Variants in PTPRM observed in about 807,000 individuals in gnomAD.
PTPRM encodes protein tyrosine phosphatase receptor type M, also known as receptor-type tyrosine-protein phosphatase mu.
A neutral mutation model predicts 186.7 loss-of-function variants in PTPRM; 47 were observed. The observed-to-expected ratio is 0.25, with a 90% confidence interval of 0.20 to 0.32. The LOEUF (loss-of-function observed/expected upper bound fraction) is 0.32, where lower values mean the gene tolerates loss of function less well. PTPRM is among the 10% of genes least tolerant of loss of function. PTPRM has a pLI of 1.00. For missense variants in PTPRM, 1,494 were observed against 1,865.0 expected, an observed-to-expected ratio of 0.80 and a Z score of 3.66; for synonymous variants, 668 against 674.9, an observed-to-expected ratio of 0.99 and a Z score of 0.16.
chr18:8,389,702 C>CT (rs886976654), intron 31 of PTPRM, among the ~76,000 whole-genome samples: 51 of 152,084 alleles, frequency 3.4e-4, no homozygotes, highest in African/African-American at 1.1e-3. Context: ...AAATCTAAGG[C>CT]TTTTTTTAGC....
At chr18:8,397,110 G>C (rs1431125369) in intron 32 of PTPRM, among the ~76,000 whole-genome samples, 2 of 152,238 alleles carry the variant, frequency 1.3e-5, no homozygotes, top group Non-Finnish European at 2.9e-5. Context: ...GTCTTCAGAG[G>C]ATGACGAGCA....
chr18:7,958,291 T>C (rs2147145763), intron 7 of PTPRM, among the ~76,000 whole-genome samples: 1 of 152,176 alleles, frequency 6.6e-6, no homozygotes, highest in South Asian at 2.1e-4. Context: ...GTGATAGCCT[T>C]ACTCTACCAG....
intron 2 of PTPRM, among the ~76,000 whole-genome samples, chr18:7,821,681 G>A (rs898595298): frequency 1.3e-5 from 2 of 152,138 alleles, no homozygotes; most frequent in African/African-American, 4.8e-5. Flanking sequence ...CACTAGTCTT[G>A]TGCTTTGGGG....
At chr18:8,051,304 A>G (rs1228703197) in intron 7 of PTPRM, among the ~76,000 whole-genome samples, 1 of 152,210 alleles carries the variant, frequency 6.6e-6, no homozygotes, top group African/African-American at 2.4e-5. Context: ...TTCTGAAGTT[A>G]TGTAATATTT....
At chr18:8,304,821 A>ATTTAT (rs2095202292) in intron 20 of PTPRM, among the ~76,000 whole-genome samples, 1 of 131,294 alleles carries the variant, frequency 7.6e-6, no homozygotes, top group African/African-American at 2.7e-5. Flanking sequence ...TGTTGACTTT[A>ATTTAT]TTTTTTTTTT....
intron 20 of PTPRM, among the ~76,000 whole-genome samples, chr18:8,313,915 T>G (rs1242938074): frequency 6.6e-6 from 1 of 151,954 alleles, no homozygotes; most frequent in Admixed American, 6.6e-5. Flanking sequence ...ATTTGGGAGG[T>G]TGAGGCAGGA....
intron 5 of PTPRM, among the ~76,000 whole-genome samples, chr18:7,927,693 T>G (rs2051257743): frequency 6.6e-6 from 1 of 152,184 alleles, no homozygotes; most frequent in South Asian, 2.1e-4. Flanking sequence ...TGACACTCTG[T>G]AATTTTTAAA....
chr18:7,850,278 C>G (rs796747971), intron 2 of PTPRM, among the ~76,000 whole-genome samples: 3 of 152,298 alleles, frequency 2.0e-5, no homozygotes, highest in South Asian at 2.1e-4. Context: ...TTTTAAATAA[C>G]AGTCTAGTAA....
intron 1 of PTPRM, among the ~76,000 whole-genome samples, chr18:7,585,239 A>C (rs1488790859): frequency 6.6e-6 from 1 of 152,168 alleles, no homozygotes; most frequent in Non-Finnish European, 1.5e-5. Context: ...ATAAACTTTT[A>C]CATAGTCTTT....
At chr18:7,596,046 G>A (rs1430122747) in intron 1 of PTPRM, among the ~76,000 whole-genome samples, 1 of 152,200 alleles carries the variant, frequency 6.6e-6, no homozygotes, top group African/African-American at 2.4e-5. Flanking sequence ...GTGTATGGTA[G>A]TACCCCCTTA....
intron 2 of PTPRM, among the ~76,000 whole-genome samples, chr18:7,788,063 C>T (rs2043172807): frequency 6.6e-6 from 1 of 152,186 alleles, no homozygotes; most frequent in Non-Finnish European, 1.5e-5. Context: ...AACGACTGAC[C>T]TAGGCCATGC....
intron 2 of PTPRM, among the ~76,000 whole-genome samples, chr18:7,829,507 T>C (rs2045655019): frequency 6.6e-6 from 1 of 152,208 alleles, no homozygotes; most frequent in Non-Finnish European, 1.5e-5. Flanking sequence ...TTTCAAAAAT[T>C]ATATATGTAA....
chr18:7,738,467 G>T (rs568745066), intron 1 of PTPRM, among the ~76,000 whole-genome samples: 107 of 151,730 alleles, frequency 7.1e-4, no homozygotes, highest in Admixed American at 2.6e-3. Context: ...ACGGAGTCTC[G>T]CTCTGTTGCC....
At chr18:7,633,729 G>A (rs1412533314) in intron 1 of PTPRM, among the ~76,000 whole-genome samples, 1 of 152,104 alleles carries the variant, frequency 6.6e-6, no homozygotes, top group South Asian at 2.1e-4. Context: ...CGCAGGAAAG[G>A]ACAGCATCTT....
intron 7 of PTPRM, chr18:8,017,812 G>A (rs1220273523): frequency 6.6e-6 from 1 of 152,028 alleles, no homozygotes; most frequent in Non-Finnish European, 1.5e-5. Context: ...TAGCTCAAAG[G>A]TCTCTGCACT....
chr18:8,022,542 C>G (rs1456503119), intron 7 of PTPRM, among the ~76,000 whole-genome samples: 1 of 152,200 alleles, frequency 6.6e-6, no homozygotes, highest in Non-Finnish European at 1.5e-5. Flanking sequence ...CTGAAGATCA[C>G]TCAGACACAG....
At position 7,966,119 on chromosome 18, in the gene PTPRM, A is replaced by G. The variant is rs150113888; in HGVS notation, c.1132+10705A>G. Among the ~76,000 whole-genome samples, 543 of 152,344 alleles carry G rather than the reference A, an allele frequency of 3.6e-3. 1 individual carries two copies. Among genetic ancestry groups the G allele is most frequent in the African/African-American group, 0.012 (508 of 41,572 alleles). On this transcript the variant is annotated intron_variant, in intron 7 of 32. Transcript: ENST00000580170. ...ATTTTAAGAATATAAATAACTGGTA[A>G]TTACCTATTAGAATAAACTGCAAGT...
chr18:8,008,726 T>G (rs895146449), intron 7 of PTPRM, among the ~76,000 whole-genome samples: 3 of 152,250 alleles, frequency 2.0e-5, no homozygotes, highest in South Asian at 2.1e-4. Context: ...CAGGAAGCCC[T>G]GACTCCCTGG....
intron 5 of PTPRM, among the ~76,000 whole-genome samples, chr18:7,936,463 G>A (rs2051817812): frequency 1.3e-5 from 2 of 152,218 alleles, no homozygotes; most frequent in East Asian, 1.9e-4. Flanking sequence ...CCAGCCAGGT[G>A]TGTGTGCACC....
Sources: allele counts gnomAD v4.1 joint callset (sites outside exome capture counted in the v4.1 genomes callset), GRCh38; gene constraint gnomAD v4.1.1; transcripts MANE v1.5; gene names NCBI Gene and HGNC (gene_info 2026-07-23, HGNC 2026-07-21).